The following ZNRF2 variants were observed in gnomAD, a reference collection of about 807,000 sequenced individuals.
The protein encoded by ZNRF2 is E3 ubiquitin-protein ligase ZNRF2.
ZNRF2 carries 16 observed loss-of-function variants against 20.4 expected under a neutral mutation model. That is an observed-to-expected ratio of 0.79 (90% CI 0.53 to 1.19). The LOEUF is 1.19. Among genes scored for constraint, ZNRF2 ranks in the 50% most tolerant of loss-of-function variants. The pLI is 0.00. For missense variants in ZNRF2, 363 were observed against 332.4 expected (o/e 1.09, Z -0.72); for synonymous variants, 178 against 144.9 (o/e 1.23, Z -1.64).
At chr7:30,294,806 A>G (rs937475004) in intron 1 of ZNRF2, among the ~76,000 whole-genome samples, 5 of 152,064 alleles carry the variant, frequency 3.3e-5, no homozygotes. Context: ...GTATTGCACC[A>G]TGGTCAGAGA....
chr7:30,317,674 C>G (rs760891286), intron 1 of ZNRF2, among the ~76,000 whole-genome samples: 41 of 152,202 alleles, frequency 2.7e-4, no homozygotes, highest in Non-Finnish European at 5.0e-4. Context: ...AGAGGGCCAA[C>G]AGCCAGGATG....
At chr7:30,288,293 A>G (rs1798833293) in intron 1 of ZNRF2, among the ~76,000 whole-genome samples, 1 of 152,216 alleles carries the variant, frequency 6.6e-6, no homozygotes, top group South Asian at 2.1e-4. Flanking sequence ...TAAAAGGATT[A>G]TTTCAGAATT....
chr7:30,321,972 G>C (rs768542929), intron 1 of ZNRF2, among the ~76,000 whole-genome samples: 1 of 151,200 alleles, frequency 6.6e-6, no homozygotes, highest in Non-Finnish European at 1.5e-5. Context: ...TTTGGCTTCT[G>C]TGGGCCACAC....
chr7:30,290,386 T>G (rs1331815412), intron 1 of ZNRF2, among the ~76,000 whole-genome samples: 7 of 152,240 alleles, frequency 4.6e-5, no homozygotes, highest in Non-Finnish European at 8.8e-5. Flanking sequence ...AACTTAGCTG[T>G]GTCCTCTTTA....
chr7:30,357,230 A>C (rs896969517), intron 3 of ZNRF2, among the ~76,000 whole-genome samples: 5 of 152,340 alleles, frequency 3.3e-5, no homozygotes, highest in East Asian at 1.9e-4. Flanking sequence ...ACCACACATG[A>C]AGTATTATAG....
chr7:30,341,914 T>C (rs1158312111), intron 2 of ZNRF2, among the ~76,000 whole-genome samples: 1 of 152,176 alleles, frequency 6.6e-6, no homozygotes, highest in Non-Finnish European at 1.5e-5. Context: ...CTGTATTGGG[T>C]GCATATATAT....
At chr7:30,310,853 CCCTGTCCTGT>C (rs70980596) in intron 1 of ZNRF2, among the ~76,000 whole-genome samples, 73 of 151,344 alleles carry the variant, frequency 4.8e-4, no homozygotes, top group African/African-American at 9.7e-4. Flanking sequence ...ACATCTGAGC[CCCTGTCCTGT>C]CCTGTCCTGT....
chr7:30,343,082 G>A (rs1175075370), intron 2 of ZNRF2, among the ~76,000 whole-genome samples: 1 of 152,070 alleles, frequency 6.6e-6, no homozygotes, highest in Non-Finnish European at 1.5e-5. Flanking sequence ...AAAGCAGGAG[G>A]ATCACTTGAG....
At chr7:30,350,969 C>G (rs1238540466) in intron 2 of ZNRF2, among the ~76,000 whole-genome samples, 30 of 149,514 alleles carry the variant, frequency 2.0e-4, no homozygotes, top group Admixed American at 1.9e-3. Context: ...CCTTGGCTGC[C>G]TAACAAATTC....
At chr7:30,355,878 G>A (rs757592863) in intron 3 of ZNRF2, 45 bp downstream of exon 3, 2 of 1,457,460 alleles carry the variant, frequency 1.4e-6, no homozygotes, top group Non-Finnish European at 1.9e-6. Flanking sequence ...TGTTCTCACA[G>A]TTTCAGACAT....
intron 1 of ZNRF2, among the ~76,000 whole-genome samples, chr7:30,286,127 A>G (rs1457723191): frequency 6.6e-6 from 1 of 152,242 alleles, no homozygotes; most frequent in Non-Finnish European, 1.5e-5. Context: ...TTGTTTTACA[A>G]CAAACCGACG....
At chr7:30,354,531 G>A (rs1053829590) in intron 2 of ZNRF2, among the ~76,000 whole-genome samples, 12 of 152,092 alleles carry the variant, frequency 7.9e-5, no homozygotes, top group Non-Finnish European at 4.4e-5. Context: ...GAATTTTTCT[G>A]CAGGGTACTC....
chr7:30,353,124 A>G (rs967097801), intron 2 of ZNRF2, among the ~76,000 whole-genome samples: 1 of 152,142 alleles, frequency 6.6e-6, no homozygotes, highest in Non-Finnish European at 1.5e-5. Context: ...AGACTTTAAA[A>G]TGTGAAAATT....
rs371419339 is a variant in ZNRF2 at position 30,339,625 on chromosome 7, A to G, written c.565+15888A>G. 1.4e-4 allele frequency among the ~76,000 whole-genome samples: 22 copies of G among 152,076 alleles called. No individual in the cohort carries two copies. In the East Asian group the frequency reaches 2.3e-3, roughly 16 times the overall value. ...TTTGTTCTGTTCCATTGCTCTATAT[A>G]TCTGTTTTGGTACCAGTACTATGCT... is the stretch of plus-strand genomic sequence containing the variant. On this transcript the variant is annotated intron_variant, in intron 2 of 4. Transcript: ENST00000323037.
At chr7:30,332,839 G>A (rs572846320) in intron 2 of ZNRF2, among the ~76,000 whole-genome samples, 193 of 152,180 alleles carry the variant, frequency 1.3e-3, no homozygotes, top group African/African-American at 4.3e-3. Flanking sequence ...GTAAACATAC[G>A]AGTGCAGGTG....
At chr7:30,343,528 A>T (rs1039647253) in intron 2 of ZNRF2, among the ~76,000 whole-genome samples, 1 of 152,056 alleles carries the variant, frequency 6.6e-6, no homozygotes, top group East Asian at 1.9e-4. Context: ...CTGCTGTTAT[A>T]TGGGTATAAA....
chr7:30,339,088 T>C lies in ZNRF2; in HGVS notation c.565+15351T>C, dbSNP rs1346036929. Among the ~76,000 whole-genome samples the C allele has an allele frequency of 3.9e-5, 6 of 152,372 alleles. No homozygotes were observed. The East Asian group carries it at 1.2e-3, about 29-fold the overall frequency. Reference sequence around the variant, plus strand: ...ATGTCTTTTTTTGAGAAGTGTCTGTTCATATCCTTTGCCCTCTTTTTGATG... The same window carrying C: ...ATGTCTTTTTTTGAGAAGTGTCTGTCCATATCCTTTGCCCTCTTTTTGATG... On this transcript the variant is annotated intron_variant, in intron 2 of 4. Coordinates refer to ENST00000323037, the MANE Select transcript of ZNRF2 (RefSeq NM_147128.4).
chr7:30,298,971 C>T (rs979750028), intron 1 of ZNRF2, among the ~76,000 whole-genome samples: 1 of 152,240 alleles, frequency 6.6e-6, no homozygotes, highest in Admixed American at 6.5e-5. Flanking sequence ...CTTTTTATTT[C>T]ATCTTCTTGA....
chr7:30,285,854 C>G (rs1214197646), intron 1 of ZNRF2, 28 bp downstream of exon 1: 21 of 1,448,864 alleles, frequency 1.4e-5, no homozygotes, highest in Non-Finnish European at 1.9e-5. Context: ...CGCACCCGCG[C>G]TCGGTCCTCC....
Sources: allele counts gnomAD v4.1 joint callset (sites outside exome capture counted in the v4.1 genomes callset), GRCh38; gene constraint gnomAD v4.1.1; transcripts MANE v1.5; gene names NCBI Gene and HGNC (gene_info 2026-07-23, HGNC 2026-07-21).